Variants in MAST1 observed in about 807,000 individuals in gnomAD.
MAST1 encodes the protein microtubule associated serine/threonine kinase 1.
In MAST1, 40 loss-of-function variants were observed where a neutral mutation model predicts 124.6. That is an observed-to-expected ratio of 0.32 (90% CI 0.25 to 0.42). The LOEUF is 0.42. Among genes scored for constraint, MAST1 ranks in the 10% least tolerant of loss-of-function variants. The pLI, the probability that MAST1 is intolerant of heterozygous loss-of-function variation, is 1.00. For synonymous variants in MAST1, 938 were observed against 939.4 expected, an observed-to-expected ratio of 1.00 and a Z score of 0.03; for missense variants, 1,558 against 2,181.9, an observed-to-expected ratio of 0.71 and a Z score of 5.70.
Position 12,874,019 on chromosome 19 carries a change from G to C in MAST1, c.3862G>C (p.Glu1288Gln). 1 of 1,606,232 alleles carries C rather than the reference G, an allele frequency of 6.2e-7. No homozygotes were observed. Reference sequence around the variant, plus strand: ...GGGCGCGCTGCGCAAACACAGCCTCGAGGTGGGCCACCCGGATTTCCGCAA... The same window carrying C: ...GGGCGCGCTGCGCAAACACAGCCTCCAGGTGGGCCACCCGGATTTCCGCAA... ...KKGALRKHSL[E>Q]VGHPDFRKDF... Residue 1288 changes from glutamate to glutamine, a missense_variant, in exon 26 of 26, where the codon GAG (glutamate) becomes CAG (glutamine). Glu to Gln is a conservative substitution (Grantham distance 29, BLOSUM62 2). Around this residue, in one of 10 missense-constraint regions of MAST1, gnomAD observed 263 missense variants for 310.9 expected, o/e 0.85. Coordinates refer to ENST00000251472, the MANE Select transcript of MAST1 (RefSeq NM_014975.3). This position sits in a 1 kb window ranked among gnomAD's most constrained non-coding sequence, Gnocchi z 6.6.
At chr19:12,851,842 G>A in intron 7 of MAST1, 92 bp from the exon 8 acceptor site, 2 of 919,918 alleles carry the variant, frequency 2.2e-6, no homozygotes, top group Non-Finnish European at 3.4e-6. Context: ...AGATGGGACA[G>A]TAGCAGCAGT....
At chr19:12,840,879 G>A in intron 2 of MAST1, 112 bp from the exon 3 acceptor site, 1 of 776,780 alleles carries the variant, frequency 1.3e-6, no homozygotes, top group Non-Finnish European at 2.4e-6. Context: ...GCGAAGGGGC[G>A]TGGTCTCCCC....
intron 7 of MAST1, among the ~76,000 whole-genome samples, chr19:12,851,086 TA>T (rs1204043347): frequency 6.6e-6 from 1 of 151,756 alleles, no homozygotes; most frequent in Non-Finnish European, 1.5e-5. Flanking sequence ...TAGCTGGCAT[TA>T]CAAGTGTGTG....
chr19:12,860,446 C>CTTTT (rs397956908), intron 12 of MAST1, among the ~76,000 whole-genome samples: 34 of 116,574 alleles, frequency 2.9e-4, no homozygotes, highest in Non-Finnish European at 4.3e-4. Flanking sequence ...TTCTTTCTTT[C>CTTTT]TTTTTTTTTT....
At position 12,874,574 on chromosome 19, in the gene MAST1, GC is replaced by G; in HGVS notation, c.4423del (p.Arg1475GlyfsTer17). On this transcript the variant is annotated frameshift_variant, in exon 26 of 26. Coordinates refer to ENST00000251472, the MANE Select transcript of MAST1 (RefSeq NM_014975.3). LOFTEE classifies it low-confidence loss of function (END_TRUNC). This position sits in a 1 kb window ranked among gnomAD's most constrained non-coding sequence, Gnocchi z 6.6. ...PAPLAPSVPE[A>X]PRGRERWVLE... ...ACCCCTGGCGCCTTCCGTGCCCGAG[GC>G]CCCCCGGGGCCGGGAGCGCTGGGTG... 4.0e-6 allele frequency: 6 copies of G among 1,506,394 alleles called. No individual in the cohort carries two copies. Among genetic ancestry groups the G allele is most frequent in the Admixed American group, 2.3e-5 (1 of 44,288 alleles). 93.3% of individuals were successfully genotyped at this position (1,506,394 alleles called of 1,614,324 possible).
At chr19:12,873,245 TTG>T in intron 24 of MAST1, 77 bp from the exon 25 acceptor site, 1 of 1,435,134 alleles carries the variant, frequency 7.0e-7, no homozygotes, top group Non-Finnish European at 9.6e-7. Flanking sequence ...GTGGTTACCG[TTG>T]TGAGGCCGTG....
Position 12,866,900 on chromosome 19 carries a change from TA to T in MAST1, c.2139+140del. On this transcript the variant is annotated intron_variant, in intron 18 of 25. Transcript: ENST00000251472. This position sits in a 1 kb window ranked among gnomAD's most constrained non-coding sequence, Gnocchi z 5.2. ...GATGGGGCGGGAGTCTGGAAGGTGG[TA>T]AGGCCACGCAAGAGGCAGGTTCGGG... 1 of 687,154 alleles carries T rather than the reference TA, an allele frequency of 1.5e-6. No individual in the cohort carries two copies. Among genetic ancestry groups the T allele is most frequent in the Non-Finnish European group, 2.5e-6 (1 of 399,984 alleles). 42.6% of individuals were successfully genotyped at this position (687,154 alleles called of 1,614,324 possible).
intron 24 of MAST1, 28 bp downstream of exon 24, chr19:12,871,200 T>G (rs1970229971): frequency 6.2e-7 from 1 of 1,613,134 alleles, no homozygotes. Flanking sequence ...CAGCCTGGTC[T>G]TTGAGCAGTG....
At position 12,865,476 on chromosome 19, in the gene MAST1, T is replaced by C. The variant is rs1970140179; in HGVS notation, c.1799T>C (p.Ile600Thr). 4 of 1,581,824 alleles carry C rather than the reference T, an allele frequency of 2.5e-6. No individual in the cohort carries two copies. The highest frequency in any genetic ancestry group is 3.4e-6 in the Non-Finnish European group (4 of 1,165,002). The stretch of plus-strand genomic sequence containing the variant: ...CCAGAGGAGCTATTTGGACAGGTCA[T>C]CAGTGGTACGTGGCTTGGCAGTGTA... ...DTPEELFGQV[I>T]SDDILWPEGD... Residue 600 changes from isoleucine (I) to threonine (T), a missense_variant, in exon 15 of 26, where the codon ATC becomes ACC. Ile to Thr is a moderately conservative substitution (Grantham distance 89, BLOSUM62 -1). Transcript: ENST00000251472. This position sits in a 1 kb window ranked among gnomAD's most constrained non-coding sequence, Gnocchi z 7.1.
At position 12,841,031 on chromosome 19, in the gene MAST1, C is replaced by G; in HGVS notation, c.213C>G (p.Asn71Lys). Reference sequence around the variant, plus strand: ...ACAGCCCCCGAAACTTCTCCCCCAACACCCCCGCCCACTTCTCGTTTGCCT... The same window carrying G: ...ACAGCCCCCGAAACTTCTCCCCCAAGACCCCCGCCCACTTCTCGTTTGCCT... Reference protein sequence around the residue: ...PLDSPRNFSPNTPAHFSFASS... With the variant: ...PLDSPRNFSPKTPAHFSFASS... The change falls in exon 3 of 26, where the codon AAC becomes AAG. Residue 71 changes from asparagine (N) to lysine (K), a missense_variant. Coordinates refer to ENST00000251472, the MANE Select transcript of MAST1 (RefSeq NM_014975.3). The surrounding 1 kb of genome is among the most constrained non-coding windows in gnomAD (Gnocchi z 4.3). 1 of 1,524,574 alleles carries G rather than the reference C, an allele frequency of 6.6e-7. No homozygotes were observed. The highest frequency in any genetic ancestry group is 9.1e-7 in the Non-Finnish European group (1 of 1,097,964). 94.4% of individuals were successfully genotyped at this position (1,524,574 alleles called of 1,614,324 possible). A position where few individuals can be genotyped will look rare whatever the true frequency, so the allele number is the denominator to read the frequency against.
chr19:12,867,579 G>A lies in MAST1; in HGVS notation c.2245G>A (p.Val749Met). The A allele has an allele frequency of 6.2e-7, 1 of 1,613,314 alleles. No homozygotes were observed. The highest frequency in any genetic ancestry group is 8.5e-7 in the Non-Finnish European group (1 of 1,179,750). ...GAGCACCAAGGGCCCCGAGGAGAAGGTGGCCGGCAAGCGGGAGGGGCTGGG... is the reference window on the plus strand; with the variant it reads ...GAGCACCAAGGGCCCCGAGGAGAAGATGGCCGGCAAGCGGGAGGGGCTGGG... ...EPSTKGPEEK[V>M]AGKREGLGGL... The change falls in exon 19 of 26, where the codon GTG (valine) becomes ATG (methionine). Residue 749 changes from valine (V) to methionine (M), a missense_variant. Val to Met is a conservative substitution (Grantham distance 21). Transcript: ENST00000251472.
intron 10 of MAST1, among the ~76,000 whole-genome samples, chr19:12,856,984 G>T (rs1970024464): frequency 6.6e-6 from 1 of 152,200 alleles, no homozygotes; most frequent in African/African-American, 2.4e-5. Flanking sequence ...TTTGCCCATA[G>T]AGGATATCAG....
At position 12,843,757 on chromosome 19, in the gene MAST1, T is replaced by C; in HGVS notation, c.327+150T>C. On this transcript the variant is annotated intron_variant, in intron 4 of 25. Transcript: ENST00000251472. This position sits in a 1 kb window ranked among gnomAD's most constrained non-coding sequence, Gnocchi z 4.9. ...GACTCAAGCCTGTAATCCCAGTACT[T>C]TGGGAGGCCAAGACAGAAGGATTGC... 1.5e-6 allele frequency: 1 copy of C among 655,596 alleles called. No individual in the cohort carries two copies. Among genetic ancestry groups the C allele is most frequent in the South Asian group, 2.0e-5 (1 of 51,202 alleles). 40.6% of individuals were successfully genotyped at this position (655,596 alleles called of 1,614,324 possible). A position where few individuals can be genotyped will look rare whatever the true frequency, so the allele number is the denominator to read the frequency against.
At position 12,843,736 on chromosome 19, in the gene MAST1, C is replaced by T. The variant is rs1969858857; in HGVS notation, c.327+129C>T. On this transcript the variant is annotated intron_variant, in intron 4 of 25. Transcript: ENST00000251472. This position sits in a 1 kb window ranked among gnomAD's most constrained non-coding sequence, Gnocchi z 4.9. ...CAGTTTAGGGCCAGGCTCAGTGACT[C>T]AAGCCTGTAATCCCAGTACTTTGGG... The T allele has an allele frequency of 1.4e-6, 1 of 736,514 alleles. No individual in the cohort carries two copies. Among genetic ancestry groups the T allele is most frequent in the South Asian group, 1.8e-5 (1 of 55,486 alleles). The allele number at this position is 736,514 out of a possible 1,614,324, so 45.6% of individuals were successfully genotyped here. A position where few individuals can be genotyped will look rare whatever the true frequency, so the allele number is the denominator to read the frequency against.
rs1969859963 is a variant in MAST1, at chr19:12,843,885, C to T, written c.327+278C>T. Among the ~76,000 whole-genome samples the T allele has an allele frequency of 6.6e-6, 1 of 152,086 alleles. No individual in the cohort carries two copies. The highest frequency in any genetic ancestry group is 1.5e-5 in the Non-Finnish European group (1 of 68,014). On this transcript the variant is annotated intron_variant, in intron 4 of 25. Coordinates refer to ENST00000251472, the MANE Select transcript of MAST1 (RefSeq NM_014975.3). The surrounding 1 kb of genome is among the most constrained non-coding windows in gnomAD (Gnocchi z 4.9). ...GCGTGGTGGTGCACACCTGTGGTCC[C>T]CACTATTTGGGAGGCTGAGACGGGA...
Position 12,838,781 on chromosome 19 carries a change from C to A in MAST1, c.83+126C>A. The A allele has an allele frequency of 1.3e-6, 1 of 778,854 alleles. No homozygotes were observed. Among genetic ancestry groups the A allele is most frequent in the Non-Finnish European group, 1.9e-6 (1 of 517,116 alleles). The allele number at this position is 778,854 out of a possible 1,614,324, so 48.2% of individuals were successfully genotyped here. On this transcript the variant is annotated intron_variant, in intron 1 of 25. Transcript: ENST00000251472. The surrounding 1 kb of genome is among the most constrained non-coding windows in gnomAD (Gnocchi z 4.3). Reference sequence around the variant, plus strand: ...AGCTGCGCCAGAGGTGCCCCAGCTGCGCCTTCCCGCCGGGGTTGGGGTTGA... The same window carrying A: ...AGCTGCGCCAGAGGTGCCCCAGCTGAGCCTTCCCGCCGGGGTTGGGGTTGA...
Position 12,847,214 on chromosome 19 carries a change from G to T in MAST1, c.328-76G>T. On this transcript the variant is annotated intron_variant, in intron 4 of 25. Transcript: ENST00000251472. This position sits in a 1 kb window ranked among gnomAD's most constrained non-coding sequence, Gnocchi z 5.5. ...CTTGCCCAGTGACCCCATCGGCTTTGGGAGTCCCAGCTCAGGGTCCTGAGC... is the reference window on the plus strand; with the variant it reads ...CTTGCCCAGTGACCCCATCGGCTTTTGGAGTCCCAGCTCAGGGTCCTGAGC... 2 of 940,550 alleles carry T rather than the reference G, an allele frequency of 2.1e-6. No individual in the cohort carries two copies. Among genetic ancestry groups the T allele is most frequent in the Non-Finnish European group, 3.3e-6 (2 of 606,310 alleles). 58.3% of individuals were successfully genotyped at this position (940,550 alleles called of 1,614,324 possible). A position where few individuals can be genotyped will look rare whatever the true frequency, so the allele number is the denominator to read the frequency against.
chr19:12,873,458 C>A lies in MAST1; in HGVS notation c.3398C>A (p.Pro1133Gln), dbSNP rs770624033. The A allele has an allele frequency of 2.5e-6, 4 of 1,610,760 alleles. No homozygotes were observed. The highest frequency in any genetic ancestry group is 1.1e-5 in the South Asian group (1 of 91,032). The part of the protein sequence containing the change: ...SLPGSPTHGL[P>Q]ARSPTHSYRS... Reference sequence around the variant, plus strand: ...CCGGGCTCGCCTACGCACGGGCTGCCGGCGCGCTCGCCCACGCACAGCTAC... The same window carrying A: ...CCGGGCTCGCCTACGCACGGGCTGCAGGCGCGCTCGCCCACGCACAGCTAC... Residue 1133 changes from proline (P) to glutamine (Q), a missense_variant, in exon 25 of 26, where the codon CCG (proline) becomes CAG (glutamine). Coordinates refer to ENST00000251472, the MANE Select transcript of MAST1 (RefSeq NM_014975.3).
Position 12,852,185 on chromosome 19 carries a change from T to G in MAST1, c.947T>G (p.Val316Gly). 6.2e-7 allele frequency: 1 copy of G among 1,614,058 alleles called. No homozygotes were observed. The highest frequency in any genetic ancestry group is 1.1e-5 in the South Asian group (1 of 91,086). Residue 316 changes from valine to glycine, a missense_variant, in exon 9 of 26, where the codon GTG (valine) becomes GGG (glycine). Around this residue, in one of 10 missense-constraint regions of MAST1, gnomAD observed 136 missense variants for 160.9 expected, o/e 0.85. Transcript: ENST00000251472. ...AEGHAKEGHL[V>G]KTDIPRYIIR... ...GGACACGCCAAGGAGGGCCACCTTGTGAAGACGGACATCCCCCGCTACATC... is the reference window on the plus strand; with the variant it reads ...GGACACGCCAAGGAGGGCCACCTTGGGAAGACGGACATCCCCCGCTACATC...
Sources: gnomAD v4.1 joint callset for allele counts (sites outside exome capture counted in the v4.1 genomes callset) on GRCh38, gnomAD v4.1.1 for gene constraint, gnomAD v4.1.1 regional missense constraint, Gnocchi (gnomAD v3.1) non-coding constraint, MANE v1.5 for transcripts, NCBI Gene and HGNC (gene_info 2026-07-23, HGNC 2026-07-21) for gene names.